The following SAMD5 variants were observed in gnomAD, a reference collection of about 807,000 sequenced individuals.
The protein encoded by SAMD5 is sterile alpha motif domain-containing protein 5.
In SAMD5, 13 loss-of-function variants were observed where a neutral mutation model predicts 11.3. The observed-to-expected ratio is 1.15, with a 90% CI of 0.75 to 1.83. The LOEUF (loss-of-function observed/expected upper bound fraction) is 1.83, where lower values mean the gene tolerates loss of function less well. Ranked by LOEUF, SAMD5 falls within the 40% of genes most tolerant of loss-of-function variation. The pLI, the probability that SAMD5 is intolerant of heterozygous loss-of-function variation, is 0.00. For synonymous variants in SAMD5, 129 were observed against 111.3 expected (o/e 1.16, Z -1.00); for missense variants, 255 against 239.1 (o/e 1.07, Z -0.44).
chr6:147,660,378 C>A (rs1380190487), intron 1 of SAMD5, among the ~76,000 whole-genome samples: 1 of 152,170 alleles, frequency 6.6e-6, no homozygotes, highest in African/African-American at 2.4e-5. Flanking sequence ...AGAACCCCTT[C>A]CTTTCCTAGG....
intron 1 of SAMD5, among the ~76,000 whole-genome samples, chr6:147,622,686 C>A (rs1322919175): frequency 6.6e-6 from 1 of 152,148 alleles, no homozygotes; most frequent in Non-Finnish European, 1.5e-5. Flanking sequence ...AGATGCCTGG[C>A]CAGCTGCACC....
chr6:147,708,351 C>T (rs1483449589), intron 1 of SAMD5, among the ~76,000 whole-genome samples: 1 of 152,208 alleles, frequency 6.6e-6, no homozygotes, highest in Non-Finnish European at 1.5e-5. Context: ...AAGGGACCAA[C>T]CCTGTTGACA....
intron 1 of SAMD5, among the ~76,000 whole-genome samples, chr6:147,647,910 T>A (rs1790428690): frequency 6.6e-6 from 1 of 152,200 alleles, no homozygotes; most frequent in Non-Finnish European, 1.5e-5. Context: ...GTGTTGATGT[T>A]CACTCAAACC....
chr6:147,727,518 G>A lies in SAMD5; in HGVS notation c.163-9799G>A, dbSNP rs1791645838. ...TATTCTTCGTTTTTTTCAGGGTTCA[G>A]CACAAGGGAGGCACTCAGTAAGTTA... On this transcript the variant is annotated intron_variant, in intron 1 of 1. Coordinates refer to the SAMD5 transcript ENST00000566741. Among the ~76,000 whole-genome samples, 3 of 152,196 alleles carry A rather than the reference G, an allele frequency of 2.0e-5. No individual in the cohort carries two copies. The South Asian group carries it at 6.2e-4, about 31-fold the overall frequency.
chr6:147,925,342 C>A, the SAMD5 span, among the ~76,000 whole-genome samples: 5 of 152,280 alleles, frequency 3.3e-5, no homozygotes, highest in South Asian at 1.0e-3. Context: ...TGATCTTGGA[C>A]TTCTAGCCTC....
At chr6:147,806,860 G>A in the SAMD5 span, among the ~76,000 whole-genome samples, 2 of 152,018 alleles carry the variant, frequency 1.3e-5, no homozygotes, top group Admixed American at 6.6e-5. Flanking sequence ...AGGTCATGAG[G>A]GTGGGGCCCT....
chr6:147,828,038 G>A, the SAMD5 span, among the ~76,000 whole-genome samples: 7,189 of 151,810 alleles, frequency 0.047, 203 homozygotes, highest in African/African-American at 0.055. Context: ...TGCCCGCCTC[G>A]GCCTCCCAAA....
chr6:147,810,129 C>T, the SAMD5 span, among the ~76,000 whole-genome samples: 1 of 151,996 alleles, frequency 6.6e-6, no homozygotes, highest in Non-Finnish European at 1.5e-5. Flanking sequence ...TTCTAGAAGA[C>T]CTTTTACGAT....
At chr6:147,822,067 C>G in the SAMD5 span, among the ~76,000 whole-genome samples, 1 of 152,170 alleles carries the variant, frequency 6.6e-6, no homozygotes, top group Admixed American at 6.5e-5. Context: ...CTGAAACTAA[C>G]TAGGTATGAA....
chr6:147,550,931 G>C (rs1224589897), intron 1 of SAMD5, among the ~76,000 whole-genome samples: 1 of 151,846 alleles, frequency 6.6e-6, no homozygotes, highest in Non-Finnish European at 1.5e-5. Flanking sequence ...CCCATTATTA[G>C]TTCTCAGTCC....
the SAMD5 span, among the ~76,000 whole-genome samples, chr6:147,784,264 G>C: frequency 6.7e-4 from 102 of 152,032 alleles, no homozygotes; most frequent in South Asian, 1.0e-3. Context: ...CAGATGGATG[G>C]TATCTTTGTA....
chr6:147,896,834 A>G, the SAMD5 span, among the ~76,000 whole-genome samples: 1 of 151,658 alleles, frequency 6.6e-6, no homozygotes, highest in South Asian at 2.1e-4. Context: ...CCAAGTCTTC[A>G]TAGCACCAAT....
At chr6:147,628,047 A>G (rs1293154651) in intron 1 of SAMD5, among the ~76,000 whole-genome samples, 4 of 152,188 alleles carry the variant, frequency 2.6e-5, no homozygotes. Flanking sequence ...GCCTATGAAA[A>G]CATATAGTTC....
chr6:147,602,049 C>T (rs553088611), intron 1 of SAMD5, among the ~76,000 whole-genome samples: 197 of 152,324 alleles, frequency 1.3e-3, no homozygotes, highest in Non-Finnish European at 2.2e-3. Flanking sequence ...CAAATTGCAG[C>T]AACTTGTTTC....
At chr6:147,922,258 G>T in the SAMD5 span, among the ~76,000 whole-genome samples, 1 of 152,052 alleles carries the variant, frequency 6.6e-6, no homozygotes, top group African/African-American at 2.4e-5. Context: ...TGAGCAAACC[G>T]ATTTCCACTG....
At chr6:147,623,355 G>A (rs1207586607) in intron 1 of SAMD5, among the ~76,000 whole-genome samples, 1 of 152,142 alleles carries the variant, frequency 6.6e-6, no homozygotes, top group African/African-American at 2.4e-5. Flanking sequence ...GACAAATAAT[G>A]TTAATAATAT....
intron 1 of SAMD5, among the ~76,000 whole-genome samples, chr6:147,628,614 T>G (rs1193200624): frequency 1.3e-5 from 2 of 152,184 alleles, no homozygotes; most frequent in Non-Finnish European, 2.9e-5. Context: ...AAATTTGGCC[T>G]AAATCAATGC....
chr6:147,752,540 C>T, the SAMD5 span, among the ~76,000 whole-genome samples: 77 of 152,196 alleles, frequency 5.1e-4, 1 homozygote, highest in African/African-American at 1.8e-3. Context: ...TTTTTCAAGG[C>T]TTGCAAGTAA....
At chr6:147,540,933 GTTTTTTTTT>G (rs1187718649) in intron 1 of SAMD5, among the ~76,000 whole-genome samples, 1 of 64,156 alleles carries the variant, frequency 1.6e-5, no homozygotes, top group African/African-American at 5.4e-5. Context: ...CAAGCCACGC[GTTTTTTTTT>G]TTTTTTTTTT....
Sources: allele counts gnomAD v4.1 joint callset (sites outside exome capture counted in the v4.1 genomes callset), GRCh38; gene constraint gnomAD v4.1.1; transcripts MANE v1.5; gene names NCBI Gene and HGNC (gene_info 2026-07-23, HGNC 2026-07-21).